Variants in AEBP2 observed in about 807,000 individuals in gnomAD.
AEBP2 encodes the protein zinc finger protein AEBP2.
A neutral mutation model predicts 50.8 loss-of-function variants in AEBP2; 10 were observed. The ratio of observed to expected loss-of-function variants is 0.20; its 90% CI spans 0.12 to 0.33. The LOEUF is 0.33. AEBP2 is among the 10% of genes least tolerant of loss of function. AEBP2 has a pLI of 1.00. For missense variants in AEBP2, 570 were observed against 688.0 expected, an observed-to-expected ratio of 0.83 and a Z score of 1.92; for synonymous variants, 296 against 261.3, an observed-to-expected ratio of 1.13 and a Z score of -1.28.
chr12:19,483,093 A>T (rs1948754163), intron 3 of AEBP2, among the ~76,000 whole-genome samples: 1 of 152,116 alleles, frequency 6.6e-6, no homozygotes, highest in Non-Finnish European at 1.5e-5. Flanking sequence ...TCTGCTCAAG[A>T]AAATCCATGT....
In AEBP2 at chr12:19,499,576, T is replaced by C. The variant is rs1015431545; in HGVS notation, c.1175-521T>C. Among the ~76,000 whole-genome samples, 36 of 146,142 alleles carry C rather than the reference T, an allele frequency of 2.5e-4. 1 individual carries two copies. The highest frequency in any genetic ancestry group is 1.8e-3 in the East Asian group (9 of 4,960). ...TTGCAGTGAGCTGAGATGGCGCCAC[T>C]GCACTTCAGCCTGGGTGAAGGAGTG... On this transcript the variant is annotated intron_variant, in intron 4 of 7. Coordinates refer to ENST00000266508, the MANE Select transcript of AEBP2 (RefSeq NM_153207.5).
At chr12:19,427,302 C>T (rs1179936695) in intron 1 of AEBP2, among the ~76,000 whole-genome samples, 1 of 150,528 alleles carries the variant, frequency 6.6e-6, no homozygotes, top group African/African-American at 2.5e-5. Context: ...GCTTCTTGAA[C>T]CCGGGAGGCA....
intron 3 of AEBP2, among the ~76,000 whole-genome samples, chr12:19,488,551 T>A (rs80028336): frequency 0.021 from 3,272 of 152,186 alleles, 41 homozygotes; most frequent in East Asian, 0.043. Context: ...CAACATTTCT[T>A]TTTGGAATTT....
At chr12:19,499,989 G>T in intron 4 of AEBP2, 108 bp from the exon 5 acceptor site, 1 of 1,061,502 alleles carries the variant, frequency 9.4e-7, no homozygotes, top group South Asian at 1.6e-5. Context: ...TAATAATCTT[G>T]AATTTAAATA....
At chr12:19,463,992 C>G (rs1282187763) in intron 2 of AEBP2, among the ~76,000 whole-genome samples, 1 of 152,068 alleles carries the variant, frequency 6.6e-6, no homozygotes, top group Non-Finnish European at 1.5e-5. Context: ...CATATTCATC[C>G]CTGTCACAAT....
chr12:19,494,843 C>T (rs1183162540), intron 4 of AEBP2, among the ~76,000 whole-genome samples: 2 of 152,136 alleles, frequency 1.3e-5, no homozygotes, highest in Non-Finnish European at 2.9e-5. Context: ...ACAGACTTTG[C>T]AACCTCAGAG....
Position 19,479,717 on chromosome 12 carries a change from G to T in AEBP2, c.987+6362G>T, listed in dbSNP as rs372332141. ...ATTATTTAATGTCACCTCTTTGTGG[G>T]TTTTTTTTTTTTTTTTTTTTTTTTT... On this transcript the variant is annotated intron_variant, in intron 3 of 7. Coordinates refer to ENST00000266508, the MANE Select transcript of AEBP2 (RefSeq NM_153207.5). Among the ~76,000 whole-genome samples, 59 of 22,350 alleles carry T rather than the reference G, an allele frequency of 2.6e-3. 1 individual carries two copies. Among genetic ancestry groups the T allele is most frequent in the South Asian group, 7.4e-3 (7 of 940 alleles). 14.7% of individuals were successfully genotyped at this position (22,350 alleles called of 152,430 possible). A position where few individuals can be genotyped will look rare whatever the true frequency, so the allele number is the denominator to read the frequency against.
chr12:19,444,597 G>A (rs1367117907), intron 1 of AEBP2, among the ~76,000 whole-genome samples: 7 of 152,150 alleles, frequency 4.6e-5, no homozygotes, highest in African/African-American at 1.7e-4. Flanking sequence ...CAATTTTTGA[G>A]TAGTATATCT....
At chr12:19,512,960 C>CA (rs1005171334) in intron 6 of AEBP2, among the ~76,000 whole-genome samples, 38 of 152,078 alleles carry the variant, frequency 2.5e-4, no homozygotes, top group African/African-American at 9.2e-4. Flanking sequence ...ACAAAAACAA[C>CA]AAAACAAACA....
At chr12:19,440,847 G>C (rs1947944639) in intron 1 of AEBP2, 5 of 1,270,312 alleles carry the variant, frequency 3.9e-6, no homozygotes, top group Non-Finnish European at 5.4e-6. Flanking sequence ...AGAGACCCCA[G>C]CTATCACTTT....
chr12:19,439,777 T>C lies in AEBP2; in HGVS notation c.78T>C (p.Gly26=). ...RLSPLPPGSP[G]SAARGRAEPP... ...GCCCTCTGCCCCCCGGCAGCCCGGG[T>C]TCGGCGGCGCGGGGCCGGGCTGAGC... Residue 26 remains glycine, a synonymous_variant, in exon 1 of 8, where the codon GGT becomes GGC. Transcript: ENST00000266508. 2 of 1,511,934 alleles carry C rather than the reference T, an allele frequency of 1.3e-6. No individual in the cohort carries two copies. The highest frequency in any genetic ancestry group is 2.4e-5 in the South Asian group (2 of 82,858). The allele number at this position is 1,511,934 out of a possible 1,614,324, so 93.7% of individuals were successfully genotyped here. A position where few individuals can be genotyped will look rare whatever the true frequency, so the allele number is the denominator to read the frequency against.
At chr12:19,460,973 A>C (rs375325964) in intron 1 of AEBP2, among the ~76,000 whole-genome samples, 172 of 152,124 alleles carry the variant, frequency 1.1e-3, no homozygotes, top group Admixed American at 2.2e-3. Context: ...TTTTTTTTTA[A>C]GAAGGTATAT....
chr12:19,440,686 G>C (rs1565703230), intron 1 of AEBP2: 3 of 1,533,190 alleles, frequency 2.0e-6, no homozygotes, highest in African/African-American at 2.7e-5. Context: ...ATCCTCTGGC[G>C]GAGCAGAAGA....
At chr12:19,442,057 G>A (rs1211120340) in intron 1 of AEBP2, among the ~76,000 whole-genome samples, 3 of 152,144 alleles carry the variant, frequency 2.0e-5, no homozygotes, top group Admixed American at 6.6e-5. Context: ...GGCTGGATAT[G>A]AGCAAAGGTT....
intron 1 of AEBP2, among the ~76,000 whole-genome samples, chr12:19,405,180 C>T (rs760802223): frequency 1.8e-4 from 27 of 152,106 alleles, no homozygotes; most frequent in Middle Eastern, 3.4e-3. Flanking sequence ...CTGTCCGACT[C>T]GTCCTCCCAA....
chr12:19,410,321 C>G (rs895248338), intron 1 of AEBP2, among the ~76,000 whole-genome samples: 41 of 152,168 alleles, frequency 2.7e-4, no homozygotes, highest in African/African-American at 9.7e-4. Flanking sequence ...CTTTCTGCCA[C>G]TATTCTTTCC....
intron 1 of AEBP2, among the ~76,000 whole-genome samples, chr12:19,460,443 C>T (rs528845410): frequency 4.7e-4 from 71 of 152,126 alleles, no homozygotes; most frequent in African/African-American, 1.6e-3. Flanking sequence ...CAACCTCCTC[C>T]TCCCAGGTTC....
chr12:19,516,750 G>A (rs951219394), intron 7 of AEBP2, among the ~76,000 whole-genome samples: 6 of 152,128 alleles, frequency 3.9e-5, no homozygotes, highest in Admixed American at 2.0e-4. Flanking sequence ...GTCTTGGCCC[G>A]GTGAGGTGGT....
intron 2 of AEBP2, among the ~76,000 whole-genome samples, chr12:19,471,694 AT>A (rs1465882077): frequency 6.7e-6 from 1 of 149,166 alleles, no homozygotes; most frequent in Middle Eastern, 3.9e-3. Context: ...TGCCTAGCCA[AT>A]TTTTTTTGTT....
Sources: gnomAD v4.1 joint callset for allele counts (sites outside exome capture counted in the v4.1 genomes callset) on GRCh38, gnomAD v4.1.1 for gene constraint, MANE v1.5 for transcripts, NCBI Gene and HGNC (gene_info 2026-07-23, HGNC 2026-07-21) for gene names.